Variants in AASS observed in about 807,000 individuals in gnomAD.
AASS encodes aminoadipate-semialdehyde synthase, also known as alpha-aminoadipic semialdehyde synthase, mitochondrial.
In AASS, 86 loss-of-function variants were observed where a neutral mutation model predicts 105.4. The ratio of observed to expected loss-of-function variants is 0.82; its 90% CI spans 0.69 to 0.98. AASS has a LOEUF of 0.98. Among genes scored for constraint, AASS ranks in the 50% least tolerant of loss-of-function variants. The pLI, the probability that AASS is intolerant of heterozygous loss-of-function variation, is 0.00. For missense variants in AASS, 1,048 were observed against 1,143.2 expected, an observed-to-expected ratio of 0.92 and a Z score of 1.20; for synonymous variants, 381 against 394.8, an observed-to-expected ratio of 0.96 and a Z score of 0.41.
chr7:122,141,615 A>C (rs1003378169), intron 1 of AASS, among the ~76,000 whole-genome samples: 1 of 151,270 alleles, frequency 6.6e-6, no homozygotes, highest in African/African-American at 2.4e-5. Context: ...ACAAACAGAT[A>C]AAATAGACAC....
intron 21 of AASS, chr7:122,079,261 G>C (rs1253979429): frequency 2.2e-6 from 3 of 1,354,478 alleles, no homozygotes; most frequent in African/African-American, 1.5e-5. Context: ...AGGTATACCA[G>C]CAGGATGCCA....
At chr7:122,094,655 T>C (rs750538835) in intron 15 of AASS, among the ~76,000 whole-genome samples, 53 of 152,170 alleles carry the variant, frequency 3.5e-4, no homozygotes, top group Non-Finnish European at 6.6e-4. Flanking sequence ...AAATTTGATA[T>C]CTTGTGATTA....
intron 23 of AASS, 21 bp from the exon 24 acceptor site, chr7:122,076,628 A>C: frequency 6.6e-7 from 1 of 1,510,566 alleles, no homozygotes; most frequent in Non-Finnish European, 9.2e-7. Flanking sequence ...ATAAATGTGT[A>C]ATTACCATTT....
At chr7:122,095,395 T>C (rs577625489) in intron 15 of AASS, among the ~76,000 whole-genome samples, 2 of 152,246 alleles carry the variant, frequency 1.3e-5, no homozygotes, top group South Asian at 2.1e-4. Context: ...ATATCCATAT[T>C]CTATTCTAGG....
chr7:122,083,655 G>C (rs1350203046), intron 19 of AASS, among the ~76,000 whole-genome samples: 3 of 152,098 alleles, frequency 2.0e-5, no homozygotes, highest in Admixed American at 6.6e-5. Context: ...TGCTAGGTTA[G>C]AGGAAAACAT....
intron 21 of AASS, 110 bp downstream of exon 21, chr7:122,079,487 G>T: frequency 1.8e-6 from 2 of 1,094,008 alleles, no homozygotes; most frequent in Non-Finnish European, 2.7e-6. Context: ...ACCCACATTA[G>T]AGCAACGAAT....
In AASS at chr7:122,079,726, GAAATACAATATTTCT is replaced by G; in HGVS notation, c.2281-29_2281-15del. The G allele has an allele frequency of 6.3e-7, 1 of 1,582,002 alleles. No homozygotes were observed. Among genetic ancestry groups the G allele is most frequent in the African/African-American group, 1.3e-5 (1 of 74,262 alleles). On this transcript the variant is annotated splice_polypyrimidine_tract_variant and intron_variant, in intron 20 of 23. Transcript: ENST00000417368. ...GAGGAGTTGTTTCTGGTTAGAAAAA[GAAATACAATATTTCT>G]AAGTCCCTAACAAATTTTTTTTTAA...
At position 122,116,875 on chromosome 7, in the gene AASS, T is replaced by C; in HGVS notation, c.766+4A>G. On this transcript the variant is annotated splice_donor_region_variant and intron_variant, in intron 7 of 23. Coordinates refer to ENST00000417368, the MANE Select transcript of AASS (RefSeq NM_005763.4). The stretch of plus-strand genomic sequence containing the variant: ...TTAAAAGTTAGTCATCTCCTGTCCC[T>C]TACCTCCAGTTTGGGAAACTTCTTT... 1 of 1,613,668 alleles carries C rather than the reference T, an allele frequency of 6.2e-7. No homozygotes were observed.
chr7:122,116,863 A>G lies in AASS; in HGVS notation c.766+16T>C, dbSNP rs372271438. The G allele has an allele frequency of 6.2e-6, 10 of 1,613,372 alleles. No homozygotes were observed. The highest frequency in any genetic ancestry group is 1.3e-5 in the African/African-American group (1 of 74,922). ...CTGTTAAAAACATTAAAAGTTAGTC[A>G]TCTCCTGTCCCTTACCTCCAGTTTG... is the stretch of plus-strand genomic sequence containing the variant. On this transcript the variant is annotated intron_variant, in intron 7 of 23. Transcript: ENST00000417368.
chr7:122,103,231 T>C (rs1480211405), intron 11 of AASS, among the ~76,000 whole-genome samples: 2 of 151,912 alleles, frequency 1.3e-5, no homozygotes, highest in African/African-American at 4.8e-5. Flanking sequence ...TCATGTTACA[T>C]ATAAGGGAAT....
intron 21 of AASS, chr7:122,079,173 G>A (rs1481549723): frequency 2.8e-5 from 40 of 1,429,904 alleles, no homozygotes; most frequent in Non-Finnish European, 3.6e-5. Context: ...CTGGAGCAGG[G>A]CAGAGATGAT....
chr7:122,105,641 A>C (rs1310012342), intron 11 of AASS, among the ~76,000 whole-genome samples: 1 of 152,104 alleles, frequency 6.6e-6, no homozygotes, highest in East Asian at 1.9e-4. Context: ...GAGTCAATAG[A>C]GAAACTAAAA....
rs1245911616 is a variant in AASS at position 122,133,510 on chromosome 7, T to C, written c.210+7A>G. Reference sequence around the variant, plus strand: ...TATTCTCACATAAAAATATTGGAAATACTCACCTTATCATGAATGGCCCGC... The same window carrying C: ...TATTCTCACATAAAAATATTGGAAACACTCACCTTATCATGAATGGCCCGC... On this transcript the variant is annotated splice_region_variant and intron_variant, in intron 2 of 23. Transcript: ENST00000417368. The C allele has an allele frequency of 6.2e-7, 1 of 1,613,964 alleles. No homozygotes were observed. Among genetic ancestry groups the C allele is most frequent in the African/African-American group, 1.3e-5 (1 of 75,036 alleles).
intron 11 of AASS, among the ~76,000 whole-genome samples, chr7:122,104,571 G>T (rs918146712): frequency 6.6e-6 from 1 of 152,126 alleles, no homozygotes; most frequent in Admixed American, 6.6e-5. Flanking sequence ...CAGCCTAGGT[G>T]ACAGAGCAAG....
intron 10 of AASS, 24 bp downstream of exon 10, chr7:122,113,574 A>C: frequency 6.2e-7 from 1 of 1,612,454 alleles, no homozygotes; most frequent in Non-Finnish European, 8.5e-7. Flanking sequence ...GAGGAATATC[A>C]TCTAACAACT....
chr7:122,076,309 G>T lies in AASS; in HGVS notation c.*180C>A, dbSNP rs201403111. 16 of 582,388 alleles carry T rather than the reference G, an allele frequency of 2.7e-5. No homozygotes were observed. Among genetic ancestry groups the T allele is most frequent in the Non-Finnish European group, 3.0e-6 (1 of 328,712 alleles). 36.1% of individuals were successfully genotyped at this position (582,388 alleles called of 1,614,324 possible). Reference sequence around the variant, plus strand: ...TATTAAAGTTCTCTGTTAGTGGCTTGCATCTCCTGTTCCAAACATTTCCAT... The same window carrying T: ...TATTAAAGTTCTCTGTTAGTGGCTTTCATCTCCTGTTCCAAACATTTCCAT... On this transcript the variant is annotated 3_prime_UTR_variant, in exon 24 of 24. Transcript: ENST00000417368.
intron 21 of AASS, 62 bp downstream of exon 21, chr7:122,079,535 A>G (rs1340125099): frequency 3.0e-6 from 4 of 1,351,692 alleles, no homozygotes; most frequent in Non-Finnish European, 4.2e-6. Context: ...ACTTTTTCTG[A>G]GTAGAAATTA....
At chr7:122,101,464 T>C in intron 12 of AASS, 26 bp from the exon 13 acceptor site, 1 of 1,583,464 alleles carries the variant, frequency 6.3e-7, no homozygotes. Context: ...ACAAGACATT[T>C]CTTTAGTATC....
At chr7:122,140,939 T>C (rs1349419393) in intron 1 of AASS, among the ~76,000 whole-genome samples, 1 of 151,738 alleles carries the variant, frequency 6.6e-6, no homozygotes, top group Non-Finnish European at 1.5e-5. Context: ...AGCACTGGTG[T>C]CTGTAAATAA....
Sources: gnomAD v4.1 joint callset for allele counts (sites outside exome capture counted in the v4.1 genomes callset) on GRCh38, gnomAD v4.1.1 for gene constraint, MANE v1.5 for transcripts, NCBI Gene and HGNC (gene_info 2026-07-23, HGNC 2026-07-21) for gene names.